PDE8A: variants seen among roughly 807,000 people sequenced by gnomAD.
PDE8A encodes high affinity cAMP-specific and IBMX-insensitive 3',5'-cyclic phosphodiesterase 8A.
PDE8A carries 59 observed loss-of-function variants against 105.0 expected under a neutral mutation model. The observed-to-expected ratio is 0.56, with a 90% CI of 0.46 to 0.70. The LOEUF (loss-of-function observed/expected upper bound fraction) is 0.70. Among genes scored for constraint, PDE8A ranks in the 30% least tolerant of loss-of-function variants. The pLI, the probability that PDE8A is intolerant of heterozygous loss-of-function variation, is 0.00. For synonymous variants in PDE8A, 355 were observed against 371.9 expected, an observed-to-expected ratio of 0.95 and a Z score of 0.52; for missense variants, 1,014 against 1,045.9, an observed-to-expected ratio of 0.97 and a Z score of 0.42.
At chr15:85,126,495 C>T in intron 20 of PDE8A, 121 bp downstream of exon 20, 2 of 693,150 alleles carry the variant, frequency 2.9e-6, no homozygotes, top group Non-Finnish European at 4.2e-6. Flanking sequence ...CCTTGTTTTG[C>T]AAGGTAACAA....
chr15:85,019,733 C>CCA (rs1348469836), intron 1 of PDE8A, among the ~76,000 whole-genome samples: 2 of 152,008 alleles, frequency 1.3e-5, no homozygotes, highest in African/African-American at 4.8e-5. Context: ...GCACCCACCA[C>CCA]CACACCTGGC....
intron 3 of PDE8A, among the ~76,000 whole-genome samples, chr15:85,070,250 A>G (rs1289816373): frequency 5.3e-5 from 8 of 151,692 alleles, no homozygotes; most frequent in Non-Finnish European, 1.2e-4. Context: ...AACTCCTTAC[A>G]CTCCTTATGA....
In PDE8A at chr15:84,982,213, C is replaced by T; in HGVS notation, c.51C>T (p.Asp17=). ...IHISERLVAE[D]APSPAAPPLS... is the part of the protein sequence containing the mutation. ...TTTCCGAGCGCCTGGTGGCCGAGGACGCGCCTAGCCCCGCGGCACCGCCGC... is the reference window on the plus strand; with the variant it reads ...TTTCCGAGCGCCTGGTGGCCGAGGATGCGCCTAGCCCCGCGGCACCGCCGC... The change falls in exon 1 of 22, where the codon GAC becomes GAT. Residue 17 remains aspartate, a synonymous_variant. Coordinates refer to ENST00000394553, the MANE Select transcript of PDE8A (RefSeq NM_002605.3). 1 of 1,483,610 alleles carries T rather than the reference C, an allele frequency of 6.7e-7. No individual in the cohort carries two copies. Among genetic ancestry groups the T allele is most frequent in the South Asian group, 1.3e-5 (1 of 78,972 alleles). The allele number at this position is 1,483,610 out of a possible 1,614,324, so 91.9% of individuals were successfully genotyped here. A position where few individuals can be genotyped will look rare whatever the true frequency, so the allele number is the denominator to read the frequency against.
rs780405104 is a variant in PDE8A at position 85,126,300 on chromosome 15, G to A, written c.2179G>A (p.Val727Met). Reference protein sequence around the residue: ...IKRMLIKCADVSNPCRPLQYC... With the variant: ...IKRMLIKCADMSNPCRPLQYC... Reference sequence around the variant, plus strand: ...ACGAATGCTGATTAAATGTGCTGATGTGTCCAATCCCTGCCGACCCCTGCA... The same window carrying A: ...ACGAATGCTGATTAAATGTGCTGATATGTCCAATCCCTGCCGACCCCTGCA... Residue 727 changes from valine to methionine, a missense_variant, in exon 20 of 22, where the codon GTG (valine) becomes ATG (methionine). Physicochemically the swap from Val to Met is conservative, Grantham distance 21 (BLOSUM62 1). Transcript: ENST00000394553. 1.2e-6 allele frequency: 2 copies of A among 1,613,356 alleles called. No homozygotes were observed. Among genetic ancestry groups the A allele is most frequent in the Admixed American group, 3.3e-5 (2 of 59,936 alleles).
At chr15:85,085,140 A>G (rs1409743387) in intron 6 of PDE8A, among the ~76,000 whole-genome samples, 1 of 152,146 alleles carries the variant, frequency 6.6e-6, no homozygotes, top group South Asian at 2.1e-4. Flanking sequence ...AAACTCCAAA[A>G]TGTAGCCTAC....
At chr15:84,981,000 G>A (rs1185072934), upstream of PDE8A, among the ~76,000 whole-genome samples, 2 of 152,144 alleles carry the variant, frequency 1.3e-5, no homozygotes, top group Non-Finnish European at 2.9e-5. Context: ...GACCCGGCGC[G>A]CGGCGCCCCA....
At chr15:85,017,901 C>CAAAAAAAAAAAAAAAAAAAA in intron 1 of PDE8A, among the ~76,000 whole-genome samples, 1 of 44,774 alleles carries the variant, frequency 2.2e-5, no homozygotes, top group Admixed American at 1.9e-4. Context: ...AAAAAAAAAG[C>CAAAAAAAAAAAAAAAAAAAA]AATAGTGGGA....
chr15:84,989,554 C>G (rs1264956436), intron 1 of PDE8A, among the ~76,000 whole-genome samples: 2 of 152,152 alleles, frequency 1.3e-5, no homozygotes, highest in African/African-American at 4.8e-5. Flanking sequence ...GAGGAGGAGC[C>G]AGAAGATGTG....
intron 1 of PDE8A, among the ~76,000 whole-genome samples, chr15:85,002,346 G>T (rs1300934968): frequency 2.0e-5 from 3 of 152,168 alleles, no homozygotes; most frequent in African/African-American, 7.2e-5. Flanking sequence ...TATTAGGAAG[G>T]ATATATTTAT....
chr15:85,049,930 A>G (rs2080945840), intron 1 of PDE8A, among the ~76,000 whole-genome samples: 1 of 152,104 alleles, frequency 6.6e-6, no homozygotes, highest in Admixed American at 6.6e-5. Context: ...CAGCAGCTAT[A>G]CCATTTAATA....
intron 1 of PDE8A, among the ~76,000 whole-genome samples, chr15:85,027,657 G>A (rs1486036315): frequency 6.6e-6 from 1 of 152,172 alleles, no homozygotes; most frequent in African/African-American, 2.4e-5. Context: ...GGAATAGTGC[G>A]ATTAAATGGT....
Position 85,120,782 on chromosome 15 carries a change from C to G in PDE8A, c.1735-15C>G, listed in dbSNP as rs1255904052. ...AGTGTCATACCCCAGTTTTTAAAAG[C>G]TCTCTTGTTTTCAGGAAACTTTAGA... On this transcript the variant is annotated splice_polypyrimidine_tract_variant and intron_variant, in intron 17 of 21. Transcript: ENST00000394553. 7 of 1,563,386 alleles carry G rather than the reference C, an allele frequency of 4.5e-6. No homozygotes were observed. The highest frequency in any genetic ancestry group is 4.1e-5 in the African/African-American group (3 of 73,384).
chr15:85,117,435 T>C (rs916547502), intron 16 of PDE8A, among the ~76,000 whole-genome samples: 4 of 152,120 alleles, frequency 2.6e-5, no homozygotes, highest in African/African-American at 7.2e-5. Flanking sequence ...GGCAGCCAGC[T>C]CTCACCCGTG....
At chr15:84,996,274 C>T (rs1463183103) in intron 1 of PDE8A, among the ~76,000 whole-genome samples, 5 of 152,014 alleles carry the variant, frequency 3.3e-5, no homozygotes, top group African/African-American at 1.2e-4. Flanking sequence ...AACTTTTGGA[C>T]TCAAGTGATC....
rs144776948 is a variant in PDE8A at position 85,117,821 on chromosome 15, C to G, written c.1716C>G (p.Leu572=). Reference sequence around the variant, plus strand: ...TGCTTCATGCCACTGCCTATTTTCTCTCCAAGGAGAGGATAAAGGTGAGCT... The same window carrying G: ...TGCTTCATGCCACTGCCTATTTTCTGTCCAAGGAGAGGATAAAGGTGAGCT... ...ADVLHATAYF[L]SKERIKETLD... The change falls in exon 17 of 22, where the codon CTC becomes CTG. Residue 572 remains leucine, a synonymous_variant. Transcript: ENST00000394553. 5.0e-6 allele frequency: 8 copies of G among 1,613,680 alleles called. No individual in the cohort carries two copies. Among genetic ancestry groups the G allele is most frequent in the African/African-American group, 2.7e-5 (2 of 74,936 alleles).
chr15:84,986,615 C>CT lies in PDE8A; in HGVS notation c.186+4282dup, dbSNP rs10714340. Among the ~76,000 whole-genome samples, 1,202 of 145,850 alleles carry CT rather than the reference C, an allele frequency of 8.2e-3. 16 individuals are homozygous for CT. Among genetic ancestry groups the CT allele is most frequent in the East Asian group, 0.042 (208 of 4,960 alleles). On this transcript the variant is annotated intron_variant, in intron 1 of 21. Coordinates refer to ENST00000394553, the MANE Select transcript of PDE8A (RefSeq NM_002605.3). Reference sequence around the variant, plus strand: ...AGTTTACAAAGTGGATTAGTCAAAACTTTTTTTTTTTTTTTAAGACAGCGT... The same window carrying CT: ...AGTTTACAAAGTGGATTAGTCAAAACTTTTTTTTTTTTTTTTAAGACAGCGT...
chr15:85,065,466 A>G (rs868181801), intron 2 of PDE8A, among the ~76,000 whole-genome samples: 17 of 148,118 alleles, frequency 1.1e-4, no homozygotes, highest in African/African-American at 3.3e-4. Context: ...CATGTACCCT[A>G]AAACTTAAAG....
In PDE8A at chr15:85,075,972, C is replaced by G. The variant is rs2081374758; in HGVS notation, c.491+54C>G. 3.0e-5 allele frequency: 29 copies of G among 954,416 alleles called. No homozygotes were observed. The South Asian group carries it at 4.0e-4, about 13-fold the overall frequency. The allele number at this position is 954,416 out of a possible 1,614,324, so 59.1% of individuals were successfully genotyped here. On this transcript the variant is annotated intron_variant, in intron 4 of 21. Transcript: ENST00000394553. ...TTGAGGTACCAGTGTAATACTTGCTCTTAACAGATGGCCAAATAACAGCTT... is the reference window on the plus strand; with the variant it reads ...TTGAGGTACCAGTGTAATACTTGCTGTTAACAGATGGCCAAATAACAGCTT...
At chr15:85,090,929 T>C in intron 7 of PDE8A, 115 bp from the exon 8 acceptor site, 1 of 836,688 alleles carries the variant, frequency 1.2e-6, no homozygotes, top group Non-Finnish European at 1.9e-6. Flanking sequence ...AGGTCCAGGC[T>C]CCTGAGCTTT....
Sources: gnomAD v4.1 joint callset for allele counts (sites outside exome capture counted in the v4.1 genomes callset) on GRCh38, gnomAD v4.1.1 for gene constraint, MANE v1.5 for transcripts, NCBI Gene and HGNC (gene_info 2026-07-23, HGNC 2026-07-21) for gene names.